PCYT1B: variants seen among roughly 807,000 people sequenced by gnomAD.
PCYT1B encodes choline-phosphate cytidylyltransferase B.
In PCYT1B, 10 loss-of-function variants were observed where a neutral mutation model predicts 26.4. That is an observed-to-expected ratio of 0.38 (90% CI 0.23 to 0.64). PCYT1B has a LOEUF of 0.64. PCYT1B is among the 30% of genes least tolerant of loss of function. PCYT1B has a pLI of 0.56. For synonymous variants in PCYT1B, 131 were observed against 108.4 expected (o/e 1.21, Z -1.29); for missense variants, 161 against 292.7 (o/e 0.55, Z 3.28).
intron 1 of PCYT1B, among the ~76,000 whole-genome samples, chrX:24,634,235 T>C (rs1926202118): frequency 8.9e-6 from 1 of 112,020 alleles, no homozygotes; most frequent in South Asian, 3.7e-4. Flanking sequence ...TTCTGATATA[T>C]GGGTTTACAC....
rs1466701483 is a variant in PCYT1B, at chrX:24,575,271, T to C, written c.756A>G (p.Lys252=). 8.3e-7 allele frequency: 1 copy of C among 1,205,148 alleles called. No individual in the cohort carries two copies. The highest frequency in any genetic ancestry group is 1.1e-6 in the Non-Finnish European group (1 of 892,485). ...TTGATCTTTCCTCCACATTCTTGAC[T>C]TTTTCCTTCATTTTGTCCACTTGGT... is the stretch of plus-strand genomic sequence containing the variant. ...FQNQVDKMKE[K]VKNVEERSKE... Residue 252 remains lysine (K), a synonymous_variant, in exon 7 of 8, where the codon AAA becomes AAG. Coordinates refer to ENST00000379144, the MANE Select transcript of PCYT1B (RefSeq NM_004845.5).
chrX:24,625,352 C>G (rs923925973), intron 1 of PCYT1B, among the ~76,000 whole-genome samples: 4 of 111,136 alleles, frequency 3.6e-5, no homozygotes, highest in African/African-American at 1.3e-4. Flanking sequence ...ATTGTGGAGT[C>G]AGAATATTTT....
At chrX:24,660,270 C>T (rs1048889267) in intron 1 of PCYT1B, among the ~76,000 whole-genome samples, 6 of 111,924 alleles carry the variant, frequency 5.4e-5, no homozygotes, top group African/African-American at 1.6e-4. Flanking sequence ...AGTGAGAAAC[C>T]CTATTTGTGT....
chrX:24,644,718 C>A (rs896229139), intron 1 of PCYT1B, among the ~76,000 whole-genome samples: 2 of 110,708 alleles, frequency 1.8e-5, no homozygotes, highest in African/African-American at 6.6e-5. Flanking sequence ...GCCAGCTTTG[C>A]GTGGTTCTTG....
chrX:24,562,129 G>A lies in PCYT1B; in HGVS notation c.*164C>T, dbSNP rs1218664236. On this transcript the variant is annotated 3_prime_UTR_variant, in exon 8 of 8. Coordinates refer to ENST00000379144, the MANE Select transcript of PCYT1B (RefSeq NM_004845.5). ...GCCCAACTCTTCAGCTGTACGGAGA[G>A]TGAGAGAGAACTGGTCCCAAGACCT... The A allele has an allele frequency of 2.5e-6, 3 of 1,210,719 alleles. No individual in the cohort carries two copies. The African/African-American group carries it at 5.2e-5, about 21-fold the overall frequency.
chrX:24,659,663 G>A (rs1217095184), intron 1 of PCYT1B, among the ~76,000 whole-genome samples: 1 of 111,921 alleles, frequency 8.9e-6, no homozygotes, highest in African/African-American at 3.2e-5. Context: ...AAGACCAAAA[G>A]CATGGTGCCA....
chrX:24,588,284 C>T (rs1211229195), intron 4 of PCYT1B, among the ~76,000 whole-genome samples: 1 of 111,508 alleles, frequency 9.0e-6, no homozygotes, highest in Non-Finnish European at 1.9e-5. Flanking sequence ...TTGTATCTGG[C>T]CTTCCTCACT....
At chrX:24,644,625 C>A (rs776885029) in intron 1 of PCYT1B, among the ~76,000 whole-genome samples, 2 of 111,751 alleles carry the variant, frequency 1.8e-5, no homozygotes, top group East Asian at 5.6e-4. Flanking sequence ...AGCAGTGTGA[C>A]CCTTGGGCAA....
At chrX:24,648,325 G>A (rs891292564), upstream of PCYT1B, among the ~76,000 whole-genome samples, 1 of 110,643 alleles carries the variant, frequency 9.0e-6, no homozygotes, top group East Asian at 2.8e-4. Flanking sequence ...ACGGTGCTAA[G>A]TACTTTACCT....
At chrX:24,574,912 A>G (rs1362234160) in intron 7 of PCYT1B, among the ~76,000 whole-genome samples, 1 of 112,123 alleles carries the variant, frequency 8.9e-6, no homozygotes, top group Non-Finnish European at 1.9e-5. Flanking sequence ...CTAGAAACTG[A>G]AACCAGACGT....
At chrX:24,595,552 G>A (rs1245210437) in intron 3 of PCYT1B, among the ~76,000 whole-genome samples, 1 of 111,054 alleles carries the variant, frequency 9.0e-6, no homozygotes, top group Non-Finnish European at 1.9e-5. Flanking sequence ...GTGGACACTT[G>A]TTTGACTCTG....
chrX:24,561,228 C>A lies in PCYT1B; in HGVS notation c.*1065G>T, dbSNP rs7060633. 8.9e-6 allele frequency: 1 copy of A among 112,093 alleles called. No individual in the cohort carries two copies. Among genetic ancestry groups the A allele is most frequent in the African/African-American group, 3.3e-5 (1 of 30,662 alleles). The allele number at this position is 112,093 out of a possible 1,213,427, so 9.2% of individuals were successfully genotyped here. On this transcript the variant is annotated 3_prime_UTR_variant, in exon 8 of 8. Transcript: ENST00000379144. ...ATTTCAGAGGAGTATTATGGTGGAG[C>A]GCAGGAGTGGGGTCTATTATAAAAT...
intron 3 of PCYT1B, among the ~76,000 whole-genome samples, chrX:24,605,251 T>G (rs1298012987): frequency 9.0e-6 from 1 of 111,648 alleles, no homozygotes; most frequent in Non-Finnish European, 1.9e-5. Flanking sequence ...ATCAAAAAAC[T>G]AACATGTCAC....
chrX:24,572,266 G>GCGCGCACA, intron 7 of PCYT1B, among the ~76,000 whole-genome samples: 1 of 99,027 alleles, frequency 1.0e-5, no homozygotes, highest in African/African-American at 3.7e-5. Flanking sequence ...ACACGCGCGC[G>GCGCGCACA]CACACACACA....
chrX:24,617,093 C>A (rs1925525408), intron 2 of PCYT1B, among the ~76,000 whole-genome samples: 1 of 112,034 alleles, frequency 8.9e-6, no homozygotes. Context: ...ACCCAGCCAT[C>A]TGGGTTTTAA....
At chrX:24,604,494 A>T (rs1202335623) in intron 3 of PCYT1B, among the ~76,000 whole-genome samples, 1 of 112,295 alleles carries the variant, frequency 8.9e-6, no homozygotes, top group African/African-American at 3.2e-5. Context: ...TCTACAGAGA[A>T]AAGAACACAC....
At chrX:24,593,009 G>A (rs1700231187) in intron 3 of PCYT1B, among the ~76,000 whole-genome samples, 1 of 111,443 alleles carries the variant, frequency 9.0e-6, no homozygotes, top group Non-Finnish European at 1.9e-5. Context: ...TGCCTCCCGG[G>A]TTCAAGCGAT....
At chrX:24,569,437 A>G (rs927812081) in intron 7 of PCYT1B, among the ~76,000 whole-genome samples, 5 of 112,049 alleles carry the variant, frequency 4.5e-5, no homozygotes, top group Non-Finnish European at 9.4e-5. Context: ...CAGCAATTCT[A>G]TTTCTCAGTA....
intron 1 of PCYT1B, among the ~76,000 whole-genome samples, chrX:24,669,175 T>C (rs1478086137): frequency 8.9e-6 from 1 of 112,049 alleles, no homozygotes; most frequent in Non-Finnish European, 1.9e-5. Flanking sequence ...ATATTCTATA[T>C]CTGCGTTGTC....
Sources: gnomAD v4.1 joint callset for allele counts (sites outside exome capture counted in the v4.1 genomes callset) on GRCh38, gnomAD v4.1.1 for gene constraint, MANE v1.5 for transcripts, NCBI Gene and HGNC (gene_info 2026-07-23, HGNC 2026-07-21) for gene names.